The following FYN variants were observed in gnomAD, a reference collection of about 807,000 sequenced individuals.
The protein encoded by FYN is tyrosine-protein kinase Fyn.
A neutral mutation model predicts 70.2 loss-of-function variants in FYN; 10 were observed. That is an observed-to-expected ratio of 0.14 (90% CI 0.09 to 0.24). The LOEUF is 0.24. Ranked by LOEUF, FYN falls within the 10% of genes least tolerant of loss-of-function variation. The probability of loss-of-function intolerance (pLI) is 1.00; values close to 1 mark genes in which losing one functional copy is unlikely to be tolerated. For synonymous variants in FYN, 236 were observed against 248.6 expected, an observed-to-expected ratio of 0.95 and a Z score of 0.48; for missense variants, 319 against 673.1, an observed-to-expected ratio of 0.47 and a Z score of 5.82.
intron 1 of FYN, among the ~76,000 whole-genome samples, chr6:111,868,350 T>C (rs753014835): frequency 7.9e-5 from 12 of 152,200 alleles, no homozygotes; most frequent in Non-Finnish European, 1.6e-4. Flanking sequence ...AATGAGTAAG[T>C]ATGTAGACAA....
intron 2 of FYN, among the ~76,000 whole-genome samples, chr6:111,814,958 T>C (rs1385938005): frequency 2.0e-5 from 3 of 152,236 alleles, no homozygotes; most frequent in African/African-American, 7.2e-5. Context: ...GCAGGTAAGC[T>C]GGTGAATTCA....
At chr6:111,754,213 T>A (rs748046123) in intron 3 of FYN, among the ~76,000 whole-genome samples, 57 of 152,196 alleles carry the variant, frequency 3.7e-4, no homozygotes, top group African/African-American at 1.2e-3. Context: ...GTGGAACTCT[T>A]CTACTGTCTG....
chr6:111,815,725 T>C (rs1226632669), intron 2 of FYN, among the ~76,000 whole-genome samples: 7 of 151,806 alleles, frequency 4.6e-5, no homozygotes, highest in African/African-American at 1.7e-4. Flanking sequence ...TTTTTTTTTT[T>C]TTCTTTTTTT....
chr6:111,750,908 A>G (rs1177328485), intron 3 of FYN, among the ~76,000 whole-genome samples: 1 of 152,140 alleles, frequency 6.6e-6, no homozygotes, highest in Non-Finnish European at 1.5e-5. Context: ...TTGAGACTGG[A>G]GAGATGGGAG....
intron 3 of FYN, among the ~76,000 whole-genome samples, chr6:111,739,237 G>C (rs975965295): frequency 6.6e-6 from 1 of 152,240 alleles, no homozygotes; most frequent in African/African-American, 2.4e-5. Context: ...ACGGAGGGTG[G>C]AGACAATCTG....
At chr6:111,814,056 C>T (rs74378614) in intron 2 of FYN, 6,306 of 152,348 alleles carry the variant, frequency 0.041, 164 homozygotes, top group East Asian at 0.14. Context: ...CTTAATTTCT[C>T]ACTGTGTCCC....
chr6:111,812,331 G>A (rs577658459), intron 2 of FYN, among the ~76,000 whole-genome samples: 1 of 152,276 alleles, frequency 6.6e-6, no homozygotes, highest in East Asian at 1.9e-4. Flanking sequence ...AAAACCTCGG[G>A]ACTCTTTCAT....
At chr6:111,872,561 C>A (rs1033317453) in intron 1 of FYN, among the ~76,000 whole-genome samples, 2 of 151,696 alleles carry the variant, frequency 1.3e-5, no homozygotes, top group African/African-American at 2.4e-5. Context: ...GGGAGGGAAG[C>A]AGCACGGGGC....
intron 3 of FYN, among the ~76,000 whole-genome samples, chr6:111,769,383 AGT>A (rs1803351814): frequency 6.6e-6 from 1 of 152,198 alleles, no homozygotes; most frequent in Non-Finnish European, 1.5e-5. Context: ...AAACTCCAGG[AGT>A]CTGTCGCCAT....
intron 3 of FYN, chr6:111,760,059 C>T (rs1802935043): frequency 6.6e-6 from 1 of 151,776 alleles, no homozygotes. Flanking sequence ...CTTTACGTTG[C>T]AGAATATTTT....
intron 2 of FYN, among the ~76,000 whole-genome samples, chr6:111,799,461 A>G (rs113080216): frequency 6.6e-6 from 1 of 152,218 alleles, no homozygotes; most frequent in Non-Finnish European, 1.5e-5. Context: ...ACATGACTTA[A>G]TAACAAGTGT....
chr6:111,800,240 T>C lies in FYN; in HGVS notation c.-81-19605A>G, dbSNP rs9481190. Among the ~76,000 whole-genome samples the C allele has an allele frequency of 8.1e-3, 1,236 of 152,290 alleles. 16 individuals carry two copies. The highest frequency in any genetic ancestry group is 0.028 in the African/African-American group (1,172 of 41,554). On this transcript the variant is annotated intron_variant, in intron 2 of 13. Transcript: ENST00000354650. ...TTCCCAGGGTTTAGTGGAGCTTCCATTAATGATCTGTAATAAGCAACGTAA... is the reference window on the plus strand; with the variant it reads ...TTCCCAGGGTTTAGTGGAGCTTCCACTAATGATCTGTAATAAGCAACGTAA...
chr6:111,795,635 C>G (rs1771779392), intron 2 of FYN, among the ~76,000 whole-genome samples: 1 of 152,162 alleles, frequency 6.6e-6, no homozygotes, highest in Non-Finnish European at 1.5e-5. Context: ...GAGAAAAATA[C>G]ATGTTTGGTA....
intron 6 of FYN, among the ~76,000 whole-genome samples, chr6:111,705,901 G>A (rs528481749): frequency 6.6e-6 from 1 of 152,204 alleles, no homozygotes; most frequent in African/African-American, 2.4e-5. Flanking sequence ...CTCTCGCCCT[G>A]GCCTCCCAAG....
At chr6:111,785,794 A>G (rs1041276983) in intron 2 of FYN, among the ~76,000 whole-genome samples, 1 of 147,554 alleles carries the variant, frequency 6.8e-6, no homozygotes, top group Non-Finnish European at 1.5e-5. Flanking sequence ...ACATAGGTAT[A>G]TCTCCTAATG....
intron 12 of FYN, among the ~76,000 whole-genome samples, chr6:111,684,597 G>A (rs902251170): frequency 1.3e-5 from 2 of 152,186 alleles, no homozygotes; most frequent in African/African-American, 2.4e-5. Context: ...GGTAAACTGT[G>A]ACATTCCTTC....
At chr6:111,835,610 C>T (rs574882928) in intron 2 of FYN, among the ~76,000 whole-genome samples, 5 of 152,246 alleles carry the variant, frequency 3.3e-5, no homozygotes, top group Non-Finnish European at 7.4e-5. Context: ...CTAAACTAAT[C>T]CCAGTTGGCT....
At chr6:111,687,276 T>C (rs1464526848) in intron 12 of FYN, among the ~76,000 whole-genome samples, 2 of 152,204 alleles carry the variant, frequency 1.3e-5, no homozygotes, top group South Asian at 2.1e-4. Flanking sequence ...CAATAATCTA[T>C]TCAATTTAAA....
At chr6:111,668,424 T>C (rs886087424) in intron 13 of FYN, among the ~76,000 whole-genome samples, 4 of 151,494 alleles carry the variant, frequency 2.6e-5, no homozygotes, top group Non-Finnish European at 4.4e-5. Flanking sequence ...GAAAGACAGC[T>C]ACTCATGTAA....
Sources: gnomAD v4.1 joint callset for allele counts (sites outside exome capture counted in the v4.1 genomes callset) on GRCh38, gnomAD v4.1.1 for gene constraint, MANE v1.5 for transcripts, NCBI Gene and HGNC (gene_info 2026-07-23, HGNC 2026-07-21) for gene names.